The following PADI6 variants were observed in gnomAD, a reference collection of about 807,000 sequenced individuals.
The protein encoded by PADI6 is inactive protein-arginine deiminase type-6.
In PADI6, 66 loss-of-function variants were observed where a neutral mutation model predicts 78.2. That is an observed-to-expected ratio of 0.84 (90% CI 0.69 to 1.04). The LOEUF is 1.04. Among genes scored for constraint, PADI6 ranks in the 50% least tolerant of loss-of-function variants. The pLI is 0.00. For synonymous variants in PADI6, 397 were observed against 346.9 expected, an observed-to-expected ratio of 1.14 and a Z score of -1.60; for missense variants, 854 against 866.1, an observed-to-expected ratio of 0.99 and a Z score of 0.18.
rs747183589 is a variant in PADI6 at position 17,394,462 on chromosome 1, A to G, written c.1337+8A>G. On this transcript the variant is annotated splice_region_variant and intron_variant, in intron 11 of 15. Transcript: ENST00000619609. ...CAGCAGCTTTTACCCCAGGTGAGCC[A>G]CAAAGCCAGACGCCTCCAAATGAAA... 2 of 1,611,164 alleles carry G rather than the reference A, an allele frequency of 1.2e-6. No homozygotes were observed. Among genetic ancestry groups the G allele is most frequent in the African/African-American group, 1.3e-5 (1 of 74,862 alleles).
At chr1:17,375,606 C>T (rs1005701567) in intron 3 of PADI6, 107 bp downstream of exon 3, 5 of 973,758 alleles carry the variant, frequency 5.1e-6, no homozygotes, top group East Asian at 2.6e-5. Context: ...TAACAAGATG[C>T]CTCCTGTGGG....
intron 9 of PADI6, among the ~76,000 whole-genome samples, chr1:17,393,448 C>A (rs570236690): frequency 1.3e-5 from 2 of 151,920 alleles, no homozygotes; most frequent in Non-Finnish European, 1.5e-5. Flanking sequence ...GTGGCACCAG[C>A]GCAGAGCTGA....
intron 15 of PADI6, among the ~76,000 whole-genome samples, chr1:17,399,991 C>G (rs1002014629): frequency 1.3e-5 from 2 of 151,894 alleles, no homozygotes; most frequent in African/African-American, 4.8e-5. Context: ...GCCAAGATTG[C>G]ACCACTGGAC....
In PADI6 at chr1:17,398,826, G is replaced by T. The variant is rs377677170; in HGVS notation, c.1830G>T (p.Ala610=). 1.9e-6 allele frequency: 3 copies of T among 1,613,472 alleles called. No individual in the cohort carries two copies. The highest frequency in any genetic ancestry group is 2.5e-6 in the Non-Finnish European group (3 of 1,179,774). The change falls in exon 15 of 16, where the codon GCG becomes GCT. Residue 610 remains alanine, a synonymous_variant. Coordinates refer to ENST00000619609, the MANE Select transcript of PADI6 (RefSeq NM_207421.4). ...ACCAGCAGCCCAAGAGGTCCTTTGC[G>T]AGGCCATACTTCCCTGACCTGGTGA... ...PSDQQPKRSF[A]RPYFPDLLRM... is the part of the protein sequence containing the mutation.
At chr1:17,392,603 C>T (rs1156337349) in intron 9 of PADI6, among the ~76,000 whole-genome samples, 1 of 152,240 alleles carries the variant, frequency 6.6e-6, no homozygotes, top group Non-Finnish European at 1.5e-5. Context: ...GGTTCTAGAG[C>T]TCTGTCCTCT....
At chr1:17,385,114 C>T (rs1246809143) in intron 6 of PADI6, among the ~76,000 whole-genome samples, 1 of 152,114 alleles carries the variant, frequency 6.6e-6, no homozygotes, top group Non-Finnish European at 1.5e-5. Flanking sequence ...AATCCCAGCA[C>T]TTTGGGAGGC....
At chr1:17,385,385 T>A (rs1242527135) in intron 6 of PADI6, among the ~76,000 whole-genome samples, 1 of 151,818 alleles carries the variant, frequency 6.6e-6, no homozygotes, top group African/African-American at 2.4e-5. Context: ...TAAGAGAGGA[T>A]GTAGTGATGG....
At chr1:17,388,255 A>G (rs2075142653) in intron 6 of PADI6, 126 bp from the exon 7 acceptor site, 1 of 878,396 alleles carries the variant, frequency 1.1e-6, no homozygotes. Context: ...GAGCCATTTC[A>G]GCTCCAGCCC....
intron 3 of PADI6, among the ~76,000 whole-genome samples, chr1:17,376,059 CTG>C (rs1313146263): frequency 6.6e-6 from 1 of 152,004 alleles, no homozygotes; most frequent in Non-Finnish European, 1.5e-5. Flanking sequence ...ACTGTAACCT[CTG>C]CCTCCCAGGT....
intron 4 of PADI6, among the ~76,000 whole-genome samples, chr1:17,380,195 T>G (rs1453173626): frequency 3.4e-5 from 5 of 146,216 alleles, no homozygotes; most frequent in Non-Finnish European, 5.9e-5. Context: ...TATTTTTTTG[T>G]TTTTTTTTGT....
At chr1:17,397,266 CCTTT>C (rs2075256544) in intron 14 of PADI6, 125 bp downstream of exon 14, 6 of 1,023,474 alleles carry the variant, frequency 5.9e-6, no homozygotes, top group Non-Finnish European at 8.8e-6. Flanking sequence ...TGCCTGCCAC[CCTTT>C]CTTCCAGGTC....
At chr1:17,392,005 A>G in intron 8 of PADI6, 109 bp from the exon 9 acceptor site, 1 of 907,096 alleles carries the variant, frequency 1.1e-6, no homozygotes, top group Non-Finnish European at 1.7e-6. Context: ...GCAGGGATGT[A>G]ACCTCTCCTG....
chr1:17,394,119 A>T (rs10458537), intron 10 of PADI6, 37 bp downstream of exon 10: 1 of 1,593,248 alleles, frequency 6.3e-7, no homozygotes, highest in Non-Finnish European at 8.6e-7. Context: ...AGCTCAGTCC[A>T]ATCTCTCAGG....
intron 1 of PADI6, 22 bp downstream of exon 1, chr1:17,372,383 C>T (rs1316431749): frequency 1.9e-6 from 3 of 1,608,752 alleles, no homozygotes; most frequent in African/African-American, 1.3e-5. Context: ...GGAGCTCTGC[C>T]AGAGGTGGCA....
rs2075223482 is a variant in PADI6 at position 17,394,303 on chromosome 1, C to T, written c.1186C>T (p.Pro396Ser). Reference protein sequence around the residue: ...DEFPMKYSLSPGIGYMIQDTE... With the variant: ...DEFPMKYSLSSGIGYMIQDTE... ...CCTGGCTCGGTCTCTCCCCCAGAGC[C>T]CTGGTATTGGCTACATGATCCAGGA... is the stretch of plus-strand genomic sequence containing the variant. Residue 396 changes from proline to serine, a missense_variant, in exon 11 of 16, where the codon CCT (proline) becomes TCT (serine). Transcript: ENST00000619609. The T allele has an allele frequency of 2.5e-6, 4 of 1,612,668 alleles. No homozygotes were observed. The highest frequency in any genetic ancestry group is 1.7e-4 in the Middle Eastern group (1 of 6,060).
chr1:17,394,214 A>G (rs2075222649), intron 10 of PADI6, 86 bp from the exon 11 acceptor site: 4 of 1,569,606 alleles, frequency 2.5e-6, no homozygotes, highest in East Asian at 4.5e-5. Flanking sequence ...GTGGAAGTCT[A>G]CCTGAGAGCC....
rs770181514 is a variant in PADI6, at chr1:17,393,990, T to C, written c.1090T>C (p.Cys364Arg). The C allele has an allele frequency of 2.1e-5, 34 of 1,613,786 alleles. No homozygotes were observed. The highest frequency in any genetic ancestry group is 2.7e-5 in the Non-Finnish European group (32 of 1,179,838). Residue 364 changes from cysteine to arginine, a missense_variant, in exon 10 of 16, where the codon TGC becomes CGC. Physicochemically the swap from Cys to Arg is radical, Grantham distance 180 (BLOSUM62 -3). Coordinates refer to ENST00000619609, the MANE Select transcript of PADI6 (RefSeq NM_207421.4). ...TCCATTCCAGGATGAGATGGCCTTCTGCTACACCCAGGCTCCCCACAAGAC... is the reference window on the plus strand; with the variant it reads ...TCCATTCCAGGATGAGATGGCCTTCCGCTACACCCAGGCTCCCCACAAGAC... ...GRWLQDEMAF[C>R]YTQAPHKTTS...
intron 6 of PADI6, among the ~76,000 whole-genome samples, chr1:17,386,067 G>C (rs2075116190): frequency 6.6e-6 from 1 of 152,036 alleles, no homozygotes; most frequent in Non-Finnish European, 1.5e-5. Context: ...GGTAGGGAGA[G>C]TTTGAGGTAG....
At chr1:17,399,402 C>T (rs1473376937) in intron 15 of PADI6, among the ~76,000 whole-genome samples, 2 of 151,994 alleles carry the variant, frequency 1.3e-5, no homozygotes, top group Non-Finnish European at 1.5e-5. Flanking sequence ...AGTTTGAGAC[C>T]AGCCTGACCA....
Sources: allele counts gnomAD v4.1 joint callset (sites outside exome capture counted in the v4.1 genomes callset), GRCh38; gene constraint gnomAD v4.1.1; transcripts MANE v1.5; gene names NCBI Gene and HGNC (gene_info 2026-07-23, HGNC 2026-07-21).